Variants in PRUNE2 observed in about 807,000 individuals in gnomAD.
The protein encoded by PRUNE2 is protein prune homolog 2.
A neutral mutation model predicts 252.0 loss-of-function variants in PRUNE2; 164 were observed. That is an observed-to-expected ratio of 0.65 (90% CI 0.57 to 0.74). The LOEUF (loss-of-function observed/expected upper bound fraction) is 0.74, where lower values mean the gene tolerates loss of function less well. Ranked by LOEUF, PRUNE2 falls within the 30% of genes least tolerant of loss-of-function variation. The pLI is 0.00. For synonymous variants in PRUNE2, 1,292 were observed against 1,350.2 expected (o/e 0.96, Z 0.94); for missense variants, 3,495 against 3,711.0 (o/e 0.94, Z 1.51).
At chr9:76,702,158 C>G (rs1284161809) in intron 9 of PRUNE2, among the ~76,000 whole-genome samples, 1 of 151,648 alleles carries the variant, frequency 6.6e-6, no homozygotes, top group Non-Finnish European at 1.5e-5. Flanking sequence ...CTCCCAGGTT[C>G]AAGCAATTCT....
chr9:76,730,624 G>A (rs1051569200), intron 6 of PRUNE2, among the ~76,000 whole-genome samples: 1 of 152,230 alleles, frequency 6.6e-6, no homozygotes, highest in Non-Finnish European at 1.5e-5. Flanking sequence ...AAAGAGGGCC[G>A]GGTACGGTGG....
rs759666399 is a variant in PRUNE2 at position 76,703,325 on chromosome 9, C to T, written c.8276+12G>A. 9.0e-6 allele frequency: 14 copies of T among 1,550,312 alleles called. No individual in the cohort carries two copies. In the South Asian group the frequency reaches 1.6e-4, roughly 18 times the overall value. ...TTTTCAGGAAAAAAAATAAATCTAG[C>T]TTTTTGCTTACCCATTTGGTCTTGA... On this transcript the variant is annotated intron_variant, in intron 9 of 18. Coordinates refer to ENST00000376718, the MANE Select transcript of PRUNE2 (RefSeq NM_015225.3).
intron 18 of PRUNE2, among the ~76,000 whole-genome samples, 164 bp downstream of exon 18, chr9:76,619,176 T>C (rs993344630): frequency 8.0e-4 from 121 of 152,192 alleles, no homozygotes; most frequent in Admixed American, 6.9e-3. Context: ...TGAAATGGTG[T>C]GAAGCTGGCA....
At chr9:76,826,782 A>G (rs750575742) in intron 4 of PRUNE2, 50 bp from the exon 5 acceptor site, 1 of 1,429,184 alleles carries the variant, frequency 7.0e-7, no homozygotes, top group East Asian at 2.5e-5. Flanking sequence ...CCAAGCCAGA[A>G]CAGGGGCCAA....
chr9:76,637,425 C>A lies in PRUNE2; in HGVS notation c.8956G>T (p.Asp2986Tyr). 6.2e-7 allele frequency: 1 copy of A among 1,613,590 alleles called. No individual in the cohort carries two copies. The highest frequency in any genetic ancestry group is 1.1e-5 in the South Asian group (1 of 91,062). Residue 2986 changes from aspartate (D) to tyrosine (Y), a missense_variant, in exon 14 of 19, where the codon GAC (aspartate) becomes TAC (tyrosine). Transcript: ENST00000376718. ...ATAATAGAGCCCACATACCGTCTGT[C>A]AATCATCTGGTAGCATTTCTTCATC... ...GWMKKCYQMI[D>Y]RRLRKNLKSF...
chr9:76,685,743 C>T (rs774317826), intron 9 of PRUNE2, among the ~76,000 whole-genome samples: 1 of 152,120 alleles, frequency 6.6e-6, no homozygotes, highest in African/African-American at 2.4e-5. Flanking sequence ...AAATGTCTAC[C>T]GTTTAAGCCA....
intron 9 of PRUNE2, among the ~76,000 whole-genome samples, chr9:76,671,884 C>A (rs1254179649): frequency 2.0e-5 from 3 of 152,006 alleles, no homozygotes; most frequent in Admixed American, 6.6e-5. Flanking sequence ...GCCTGCCTTA[C>A]AAGAGCTCCT....
intron 15 of PRUNE2, among the ~76,000 whole-genome samples, chr9:76,629,822 T>A (rs1315018971): frequency 6.6e-6 from 1 of 152,194 alleles, no homozygotes; most frequent in African/African-American, 2.4e-5. Flanking sequence ...CTTTTTTAGA[T>A]GCCACATATA....
chr9:76,848,067 C>T (rs966289028), intron 3 of PRUNE2, among the ~76,000 whole-genome samples: 7 of 151,910 alleles, frequency 4.6e-5, no homozygotes, highest in African/African-American at 1.5e-4. Context: ...AGTTTGAAAC[C>T]AGCCTGGCCA....
intron 11 of PRUNE2, among the ~76,000 whole-genome samples, chr9:76,647,428 C>T (rs1449411372): frequency 6.6e-6 from 1 of 152,040 alleles, no homozygotes; most frequent in Non-Finnish European, 1.5e-5. Context: ...AACTGTAAAA[C>T]TTTTAGAAGA....
At chr9:76,840,543 T>G (rs1459259631) in intron 4 of PRUNE2, among the ~76,000 whole-genome samples, 2 of 152,238 alleles carry the variant, frequency 1.3e-5, no homozygotes, top group Non-Finnish European at 2.9e-5. Flanking sequence ...GAGGTCTAAT[T>G]ATGATGCTTT....
rs768764042 is a variant in PRUNE2 at position 76,708,311 on chromosome 9, A to G, written c.3963T>C (p.Asp1321=). ...PHPDPWKGHG[D]GQSESEKEAQ... is the part of the protein sequence containing the mutation. ...CTTCCTTCTCACTTTCACTTTGTCC[A>G]TCGCCATGACCTTTCCATGGATCTG... The change falls in exon 8 of 19, where the codon GAT becomes GAC. Residue 1321 remains aspartate, a synonymous_variant. Coordinates refer to ENST00000376718, the MANE Select transcript of PRUNE2 (RefSeq NM_015225.3). 1 of 1,613,608 alleles carries G rather than the reference A, an allele frequency of 6.2e-7. No individual in the cohort carries two copies. Among genetic ancestry groups the G allele is most frequent in the East Asian group, 2.2e-5 (1 of 44,856 alleles).
At chr9:76,683,302 T>C (rs1383288159) in intron 9 of PRUNE2, among the ~76,000 whole-genome samples, 2 of 152,166 alleles carry the variant, frequency 1.3e-5, no homozygotes, top group African/African-American at 4.8e-5. Context: ...GGGATTGCAG[T>C]TGACTGTAAT....
chr9:76,655,611 T>A, intron 9 of PRUNE2, 109 bp from the exon 10 acceptor site: 1 of 805,842 alleles, frequency 1.2e-6, no homozygotes. Context: ...TCACTTAAAA[T>A]AAACCATGTA....
rs1169223653 is a variant in PRUNE2, at chr9:76,709,247, GT to G, written c.3026del (p.Asp1009AlafsTer22). Reference sequence around the variant, plus strand: ...ACTGTTGCAGTGACTGAGGAGGAATGTCAGTCTCCTCTGCCGTGGAGTTACC... The same window carrying G: ...ACTGTTGCAGTGACTGAGGAGGAATGCAGTCTCCTCTGCCGTGGAGTTACC... ...KDGNSTAEET[D>X]IPPQSLQQSS... On this transcript the variant is annotated frameshift_variant, in exon 8 of 19. Transcript: ENST00000376718. LOFTEE classifies it high-confidence loss of function. 6.4e-7 allele frequency: 1 copy of G among 1,562,626 alleles called. No homozygotes were observed. Among genetic ancestry groups the G allele is most frequent in the South Asian group, 1.1e-5 (1 of 88,442 alleles).
intron 6 of PRUNE2, among the ~76,000 whole-genome samples, chr9:76,716,476 C>T (rs1048081523): frequency 2.5e-4 from 38 of 152,320 alleles, no homozygotes; most frequent in Non-Finnish European, 4.7e-4. Context: ...ACTCTCTCAG[C>T]ACTGTCACAG....
intron 1 of PRUNE2, among the ~76,000 whole-genome samples, chr9:76,891,548 C>G (rs749557194): frequency 6.6e-6 from 1 of 152,182 alleles, no homozygotes; most frequent in Non-Finnish European, 1.5e-5. Context: ...GTCCATCACA[C>G]GAAACTCCAA....
intron 4 of PRUNE2, among the ~76,000 whole-genome samples, chr9:76,844,328 T>C (rs1297947760): frequency 6.6e-6 from 1 of 151,986 alleles, no homozygotes; most frequent in South Asian, 2.1e-4. Flanking sequence ...TGAGATCTGG[T>C]TGTTAAAAAA....
chr9:76,708,827 A>G lies in PRUNE2; in HGVS notation c.3447T>C (p.Ser1149=), dbSNP rs763794280. 1 of 1,613,598 alleles carries G rather than the reference A, an allele frequency of 6.2e-7. No individual in the cohort carries two copies. Among genetic ancestry groups the G allele is most frequent in the East Asian group, 2.2e-5 (1 of 44,832 alleles). The change falls in exon 8 of 19, where the codon AGT becomes AGC. Residue 1149 remains serine (S), a synonymous_variant. Transcript: ENST00000376718. ...CCATGTATCCTTCTGTTTGACCATCACTGGGGATTGCCGCACCCCCACTGC... is the reference window on the plus strand; with the variant it reads ...CCATGTATCCTTCTGTTTGACCATCGCTGGGGATTGCCGCACCCCCACTGC... The part of the protein sequence containing the change: ...DDCSGGAAIP[S]DGQTEGYMAE...
Sources: allele counts gnomAD v4.1 joint callset (sites outside exome capture counted in the v4.1 genomes callset), GRCh38; gene constraint gnomAD v4.1.1; transcripts MANE v1.5; gene names NCBI Gene and HGNC (gene_info 2026-07-23, HGNC 2026-07-21).